Variants in VCPIP1 observed in about 807,000 individuals in gnomAD.
VCPIP1 encodes valosin containing protein interacting protein 1.
In VCPIP1, 8 loss-of-function variants were observed where a neutral mutation model predicts 85.0. That is an observed-to-expected ratio of 0.09 (90% confidence interval 0.06 to 0.17). VCPIP1 has a LOEUF of 0.17. Ranked by LOEUF, VCPIP1 falls within the 10% of genes least tolerant of loss-of-function variation. The pLI, the probability that VCPIP1 is intolerant of heterozygous loss-of-function variation, is 1.00. For synonymous variants in VCPIP1, 543 were observed against 544.5 expected (o/e 1.00, Z 0.04); for missense variants, 1,070 against 1,486.3 (o/e 0.72, Z 4.61).
Position 66,666,479 on chromosome 8 carries a change from G to A in VCPIP1, c.480C>T (p.Cys160=), listed in dbSNP as rs776611471. ...RDMNQGELFD[C]ALLGDRAFLI... ...GGAAGGCGCGGTCACCCAGTAAGGCGCAATCGAACAGTTCGCCCTGGTTCA... is the reference window on the plus strand; with the variant it reads ...GGAAGGCGCGGTCACCCAGTAAGGCACAATCGAACAGTTCGCCCTGGTTCA... The change falls in exon 1 of 3, where the codon TGC becomes TGT. Residue 160 remains cysteine, a synonymous_variant. Transcript: ENST00000310421. This position sits in a 1 kb window ranked among gnomAD's most constrained non-coding sequence, Gnocchi z 6.3. 5.7e-5 allele frequency: 92 copies of A among 1,614,074 alleles called. No individual in the cohort carries two copies. In the South Asian group the frequency reaches 8.9e-4, roughly 16 times the overall value.
At position 66,666,928 on chromosome 8, in the gene VCPIP1, ACGGAGGCGGCGG is replaced by A; in HGVS notation, c.19_30del (p.Pro7_Pro10del). On this transcript the variant is annotated inframe_deletion, in exon 1 of 3. Transcript: ENST00000310421. The surrounding 1 kb of genome is among the most constrained non-coding windows in gnomAD (Gnocchi z 6.3). ...TCAGGGGGAGGAGGTGGCGGCGGCA[ACGGAGGCGGCGG>A]CGGCGGCGGCTGAGACATAGCTCCT... is the stretch of plus-strand genomic sequence containing the variant. 1 of 1,583,432 alleles carries A rather than the reference ACGGAGGCGGCGG, an allele frequency of 6.3e-7. No individual in the cohort carries two copies. The highest frequency in any genetic ancestry group is 1.1e-5 in the South Asian group (1 of 88,656).
At chr8:66,644,639 A>G (rs756605925) in intron 2 of VCPIP1, among the ~76,000 whole-genome samples, 36 of 152,300 alleles carry the variant, frequency 2.4e-4, no homozygotes, top group Non-Finnish European at 4.4e-4. Flanking sequence ...TTTCCGACTC[A>G]ACACTGAACT....
intron 1 of VCPIP1, among the ~76,000 whole-genome samples, chr8:66,658,831 G>C (rs1811126052): frequency 6.6e-6 from 1 of 152,024 alleles, no homozygotes; most frequent in Non-Finnish European, 1.5e-5. Flanking sequence ...GAGGTATTAT[G>C]AAATTACAAA....
rs757722367 is a variant in VCPIP1, at chr8:66,632,066, T to TAAAAAAAA, written c.*2427_*2434dup. ...TTAGTTATAATGTTACCTCTAGGGC[T>TAAAAAAAA]AAAAAAAAAAAAAAAAACAAATTTA... is the stretch of plus-strand genomic sequence containing the variant. On this transcript the variant is annotated 3_prime_UTR_variant, in exon 3 of 3. Coordinates refer to ENST00000310421, the MANE Select transcript of VCPIP1 (RefSeq NM_025054.5). The TAAAAAAAA allele has an allele frequency of 9.6e-6, 1 of 104,464 alleles. No individual in the cohort carries two copies. Among genetic ancestry groups the TAAAAAAAA allele is most frequent in the African/African-American group, 3.5e-5 (1 of 28,598 alleles). The allele number at this position is 104,464 out of a possible 1,614,324, so 6.5% of individuals were successfully genotyped here. A position where few individuals can be genotyped will look rare whatever the true frequency, so the allele number is the denominator to read the frequency against.
intron 1 of VCPIP1, among the ~76,000 whole-genome samples, chr8:66,663,100 T>A (rs1210633109): frequency 6.7e-5 from 7 of 104,790 alleles, no homozygotes; most frequent in Non-Finnish European, 1.2e-4. Context: ...CAAGACTCCA[T>A]CTCAAAAAAA....
At position 66,664,502 on chromosome 8, in the gene VCPIP1, G is replaced by A. The variant is rs552679425; in HGVS notation, c.2457C>T (p.Tyr819=). The A allele has an allele frequency of 2.0e-5, 33 of 1,614,102 alleles. No homozygotes were observed. Among genetic ancestry groups the A allele is most frequent in the Admixed American group, 5.0e-5 (3 of 60,014 alleles). The change falls in exon 1 of 3, where the codon TAC becomes TAT. Residue 819 remains tyrosine, a synonymous_variant. Transcript: ENST00000310421. ...NIPPYLQCIR[Y]GFPPKELMPP... ...GCATTAACTCTTTAGGAGGAAACCC[G>A]TATCGAATACACTGTAAATATGGAG... is the stretch of plus-strand genomic sequence containing the variant.
At position 66,667,176 on chromosome 8, in the gene VCPIP1, C is replaced by T; in HGVS notation, c.-218G>A. ...TAGCCGTTGCCCCGAACGTAACGGC[C>T]ACCACCCCACCCCGCACTCACACTC... is the stretch of plus-strand genomic sequence containing the variant. On this transcript the variant is annotated 5_prime_UTR_variant, in exon 1 of 3. Coordinates refer to ENST00000310421, the MANE Select transcript of VCPIP1 (RefSeq NM_025054.5). 3.2e-6 allele frequency: 3 copies of T among 948,874 alleles called. No individual in the cohort carries two copies. The highest frequency in any genetic ancestry group is 4.4e-6 in the Non-Finnish European group (3 of 677,598). 58.8% of individuals were successfully genotyped at this position (948,874 alleles called of 1,614,324 possible). A position where few individuals can be genotyped will look rare whatever the true frequency, so the allele number is the denominator to read the frequency against.
chr8:66,635,423 A>C, intron 2 of VCPIP1, 51 bp from the exon 3 acceptor site: 1 of 1,481,308 alleles, frequency 6.8e-7, no homozygotes, highest in Non-Finnish European at 9.0e-7. Context: ...GGTATTAATA[A>C]AAGTGTAGTC....
chr8:66,635,372 C>T lies in VCPIP1; in HGVS notation c.2798G>A (p.Gly933Asp). The T allele has an allele frequency of 1.9e-6, 3 of 1,597,734 alleles. No homozygotes were observed. The highest frequency in any genetic ancestry group is 1.7e-6 in the Non-Finnish European group (2 of 1,173,414). ...VFYSIMKKTM[G>D]MADGKHCTFP... is the part of the protein sequence containing the mutation. The stretch of plus-strand genomic sequence containing the variant: ...AGTACAATGCTTGCCATCAGCCATA[C>T]CTAAAAAGGGGAAAAGATATTTAAC... Residue 933 changes from glycine to aspartate, a missense_variant and splice_region_variant, in exon 3 of 3, where the codon GGT (glycine) becomes GAT (aspartate). Transcript: ENST00000310421.
chr8:66,660,292 A>G (rs1811142746), intron 1 of VCPIP1, among the ~76,000 whole-genome samples: 1 of 152,232 alleles, frequency 6.6e-6, no homozygotes. Context: ...TGAAGAAAAT[A>G]GGGTTCAGTC....
chr8:66,661,714 C>T (rs1462196672), intron 1 of VCPIP1, among the ~76,000 whole-genome samples: 5 of 150,212 alleles, frequency 3.3e-5, no homozygotes, highest in Admixed American at 6.6e-5. Context: ...CCAGCCTGGG[C>T]GACAGAGTGA....
At position 66,630,731 on chromosome 8, in the gene VCPIP1, A is replaced by G. The variant is rs1810825759; in HGVS notation, c.*3770T>C. 6.6e-6 allele frequency: 1 copy of G among 152,590 alleles called. No homozygotes were observed. The highest frequency in any genetic ancestry group is 6.5e-5 in the Admixed American group (1 of 15,276). 9.5% of individuals were successfully genotyped at this position (152,590 alleles called of 1,614,324 possible). On this transcript the variant is annotated 3_prime_UTR_variant, in exon 3 of 3. Transcript: ENST00000310421. ...ATTCATAATTTTTACAATTTCTGCT[A>G]TTTTGGAACAAACATTAAAATTCCC...
chr8:66,635,388 G>T lies in VCPIP1; in HGVS notation c.2798-16C>A, dbSNP rs1467564489. Reference sequence around the variant, plus strand: ...TCAGCCATACCTAAAAAGGGGAAAAGATATTTAACATATTAAAATCTTAAG... The same window carrying T: ...TCAGCCATACCTAAAAAGGGGAAAATATATTTAACATATTAAAATCTTAAG... On this transcript the variant is annotated splice_polypyrimidine_tract_variant and intron_variant, in intron 2 of 2. Transcript: ENST00000310421. The T allele has an allele frequency of 1.9e-6, 3 of 1,578,718 alleles. No individual in the cohort carries two copies. Among genetic ancestry groups the T allele is most frequent in the South Asian group, 1.2e-5 (1 of 86,434 alleles).
At position 66,664,990 on chromosome 8, in the gene VCPIP1, T is replaced by C. The variant is rs1222980265; in HGVS notation, c.1969A>G (p.Lys657Glu). Residue 657 changes from lysine to glutamate, a missense_variant, in exon 1 of 3, where the codon AAA becomes GAA. Transcript: ENST00000310421. The part of the protein sequence containing the change: ...VVHTILHQTA[K>E]KNPDDYTPVN... The stretch of plus-strand genomic sequence containing the variant: ...GGAGTATAATCATCGGGATTCTTTT[T>C]GGCAGTCTGATGCAATATAGTGTGG... The C allele has an allele frequency of 1.9e-6, 3 of 1,613,524 alleles. No homozygotes were observed. The highest frequency in any genetic ancestry group is 2.5e-6 in the Non-Finnish European group (3 of 1,179,586).
In VCPIP1 at chr8:66,628,673, G is replaced by A. The variant is rs1292022510; in HGVS notation, c.*5828C>T. The A allele has an allele frequency of 1.3e-5, 2 of 152,164 alleles. No individual in the cohort carries two copies. Among genetic ancestry groups the A allele is most frequent in the African/African-American group, 2.4e-5 (1 of 41,440 alleles). 9.4% of individuals were successfully genotyped at this position (152,164 alleles called of 1,614,324 possible). ...TCTATTCTGATGGTATGTGACCAAT[G>A]GCATGCATATACAAGACCTCAAGTC... On this transcript the variant is annotated 3_prime_UTR_variant, in exon 3 of 3. Coordinates refer to ENST00000310421, the MANE Select transcript of VCPIP1 (RefSeq NM_025054.5).
intron 1 of VCPIP1, among the ~76,000 whole-genome samples, chr8:66,652,688 A>C (rs1162410366): frequency 6.6e-6 from 1 of 152,124 alleles, no homozygotes; most frequent in African/African-American, 2.4e-5. Context: ...ATTAAAACCA[A>C]GAAATAAACA....
chr8:66,637,088 G>C (rs1430768102), intron 2 of VCPIP1, among the ~76,000 whole-genome samples: 2 of 152,162 alleles, frequency 1.3e-5, no homozygotes, highest in East Asian at 1.9e-4. Context: ...CAGCACATTG[G>C]GAGGCTGAGG....
intron 2 of VCPIP1, among the ~76,000 whole-genome samples, chr8:66,645,424 A>C (rs747929685): frequency 2.0e-5 from 3 of 152,160 alleles, no homozygotes; most frequent in Non-Finnish European, 4.4e-5. Context: ...ATCTCAAAAA[A>C]TAAAACAAAA....
Position 66,665,010 on chromosome 8 carries a change from G to A in VCPIP1, c.1949C>T (p.Thr650Ile). 6.2e-7 allele frequency: 1 copy of A among 1,613,858 alleles called. No homozygotes were observed. The highest frequency in any genetic ancestry group is 8.5e-7 in the Non-Finnish European group (1 of 1,179,834). Residue 650 changes from threonine to isoleucine, a missense_variant, in exon 1 of 3, where the codon ACT (threonine) becomes ATT (isoleucine). Physicochemically the swap from Thr to Ile is moderately conservative, Grantham distance 89 (BLOSUM62 -1). Coordinates refer to ENST00000310421, the MANE Select transcript of VCPIP1 (RefSeq NM_025054.5). This position sits in a 1 kb window ranked among gnomAD's most constrained non-coding sequence, Gnocchi z 4.3. ...SEILVQKVVH[T>I]ILHQTAKKNP... ...CTTTTTGGCAGTCTGATGCAATATA[G>A]TGTGGACAACTTTCTGAACTAGGAT...
Sources: gnomAD v4.1 joint callset for allele counts (sites outside exome capture counted in the v4.1 genomes callset) on GRCh38, gnomAD v4.1.1 for gene constraint, Gnocchi (gnomAD v3.1) non-coding constraint, MANE v1.5 for transcripts, NCBI Gene and HGNC (gene_info 2026-07-23, HGNC 2026-07-21) for gene names.